CNR1: variants seen among roughly 807,000 people sequenced by gnomAD.
CNR1 encodes the protein cannabinoid receptor 1, also known as cannabinoid receptor 1 (brain).
A neutral mutation model predicts 23.0 loss-of-function variants in CNR1; 10 were observed. That is an observed-to-expected ratio of 0.43 (90% CI 0.27 to 0.74). The LOEUF (loss-of-function observed/expected upper bound fraction) is 0.74, where lower values mean the gene tolerates loss of function less well. Among genes scored for constraint, CNR1 ranks in the 30% least tolerant of loss-of-function variants. The pLI, the probability that CNR1 is intolerant of heterozygous loss-of-function variation, is 0.19. For synonymous variants in CNR1, 271 were observed against 255.2 expected (o/e 1.06, Z -0.59); for missense variants, 422 against 618.8 (o/e 0.68, Z 3.37).
chr6:88,143,796 T>C lies in CNR1; in HGVS notation c.*60A>G, dbSNP rs1028872657. On this transcript the variant is annotated 3_prime_UTR_variant, in exon 2 of 2. Coordinates refer to ENST00000369501, the MANE Select transcript of CNR1 (RefSeq NM_016083.6). ...TATAACCAAGGAGACAATAGACTCT[T>C]CTAGATTTTGAGCTTAAAAAAAAAA... 12 of 1,273,832 alleles carry C rather than the reference T, an allele frequency of 9.4e-6. No homozygotes were observed. The highest frequency in any genetic ancestry group is 1.3e-5 in the Non-Finnish European group (12 of 900,910). 78.9% of individuals were successfully genotyped at this position (1,273,832 alleles called of 1,614,324 possible).
rs968398319 is a variant in CNR1, at chr6:88,141,655, A to C, written c.*2201T>G. On this transcript the variant is annotated 3_prime_UTR_variant, in exon 2 of 2. Transcript: ENST00000369501. ...TGTAAATAATCTCTCCTGTCTTTAG[A>C]AAGAGATCTTACTAATCCTCTAGCA... The C allele has an allele frequency of 6.6e-6, 1 of 152,390 alleles. No homozygotes were observed. Among genetic ancestry groups the C allele is most frequent in the Admixed American group, 6.5e-5 (1 of 15,288 alleles). 9.4% of individuals were successfully genotyped at this position (152,390 alleles called of 1,614,324 possible).
chr6:88,149,204 A>G (rs894740000), intron 1 of CNR1, among the ~76,000 whole-genome samples: 2 of 152,214 alleles, frequency 1.3e-5, no homozygotes, highest in Non-Finnish European at 2.9e-5. Context: ...ACCAAAGACC[A>G]ACAGCCAAGC....
chr6:88,163,138 C>CTGGATTAACTTTATAACA (rs1778192799), intron 1 of CNR1: 1 of 152,122 alleles, frequency 6.6e-6, no homozygotes, highest in African/African-American at 2.4e-5. Flanking sequence ...TTAGATTAGA[C>CTGGATTAACTTTATAACA]TGGATTAACT....
intron 1 of CNR1, among the ~76,000 whole-genome samples, chr6:88,151,300 T>A (rs1777505601): frequency 6.6e-6 from 1 of 152,156 alleles, no homozygotes; most frequent in African/African-American, 2.4e-5. Context: ...GGGCCCTTAC[T>A]TGTAGCTTTT....
At chr6:88,148,715 A>G (rs1267797300) in intron 1 of CNR1, among the ~76,000 whole-genome samples, 1 of 152,230 alleles carries the variant, frequency 6.6e-6, no homozygotes, top group East Asian at 1.9e-4. Flanking sequence ...AATGAGCTAT[A>G]TGCAATAAGC....
Position 88,140,327 on chromosome 6 carries a change from A to G in CNR1, c.*3529T>C, listed in dbSNP as rs1776738987. On this transcript the variant is annotated 3_prime_UTR_variant, in exon 2 of 2. Coordinates refer to ENST00000369501, the MANE Select transcript of CNR1 (RefSeq NM_016083.6). Reference sequence around the variant, plus strand: ...ATCCCCAGTAGGCCTAGTACAGTCAATTTACATGAAGATAGCTTTTAAGAT... The same window carrying G: ...ATCCCCAGTAGGCCTAGTACAGTCAGTTTACATGAAGATAGCTTTTAAGAT... 6.5e-6 allele frequency: 1 copy of G among 152,774 alleles called. No individual in the cohort carries two copies. The highest frequency in any genetic ancestry group is 2.4e-5 in the African/African-American group (1 of 41,448). 9.5% of individuals were successfully genotyped at this position (152,774 alleles called of 1,614,324 possible).
At chr6:88,166,470 C>T (rs1009230098), upstream of CNR1, 2 of 152,566 alleles carry the variant, frequency 1.3e-5, no homozygotes, top group African/African-American at 4.8e-5. Context: ...GGGGAGGGAC[C>T]TGAGCGCAGC....
intron 1 of CNR1, among the ~76,000 whole-genome samples, chr6:88,145,652 T>A (rs1299267637): frequency 6.6e-6 from 1 of 152,214 alleles, no homozygotes; most frequent in Non-Finnish European, 1.5e-5. Flanking sequence ...AATGAAATGT[T>A]TCTTGGGGAC....
chr6:88,159,265 T>TA (rs1256042976), intron 1 of CNR1, among the ~76,000 whole-genome samples: 6 of 152,160 alleles, frequency 3.9e-5, no homozygotes, highest in East Asian at 1.9e-4. Flanking sequence ...CTCCAAACCA[T>TA]AAAATACTAC....
At chr6:88,157,337 T>C (rs1221556362) in intron 1 of CNR1, among the ~76,000 whole-genome samples, 1 of 152,192 alleles carries the variant, frequency 6.6e-6, no homozygotes, top group Non-Finnish European at 1.5e-5. Context: ...TTATAAGCCC[T>C]CAGGAATCAA....
chr6:88,160,996 G>A (rs763994605), intron 1 of CNR1, among the ~76,000 whole-genome samples: 3 of 152,114 alleles, frequency 2.0e-5, no homozygotes, highest in African/African-American at 4.8e-5. Flanking sequence ...GTAAAATATT[G>A]TATTTTAGGG....
intron 1 of CNR1, among the ~76,000 whole-genome samples, chr6:88,152,941 A>G (rs1324921387): frequency 6.6e-6 from 1 of 152,222 alleles, no homozygotes; most frequent in Non-Finnish European, 1.5e-5. Context: ...AGATGCACCT[A>G]TTAAAGAAGC....
chr6:88,150,941 T>A (rs1777488241), intron 1 of CNR1, among the ~76,000 whole-genome samples: 1 of 152,238 alleles, frequency 6.6e-6, no homozygotes, highest in Non-Finnish European at 1.5e-5. Flanking sequence ...TCTAGTCACC[T>A]AAGTTCCTAA....
At chr6:88,160,305 AAAAT>A (rs1274023278) in intron 1 of CNR1, among the ~76,000 whole-genome samples, 7 of 152,212 alleles carry the variant, frequency 4.6e-5, no homozygotes, top group Non-Finnish European at 7.3e-5. Flanking sequence ...AAATTAATTA[AAAAT>A]AAATAAATAA....
intron 1 of CNR1, among the ~76,000 whole-genome samples, chr6:88,160,421 AT>A (rs1009888052): frequency 2.0e-5 from 3 of 149,824 alleles, no homozygotes; most frequent in South Asian, 4.2e-4. Context: ...AACTTAAAAA[AT>A]TTTTTTTCTT....
upstream of CNR1, among the ~76,000 whole-genome samples, chr6:88,166,960 C>T (rs1462662175): frequency 1.3e-5 from 2 of 151,906 alleles, no homozygotes; most frequent in African/African-American, 4.8e-5. Context: ...CCGAGCCGTT[C>T]GCTACCTGGC....
chr6:88,148,318 C>G (rs1054044988), intron 1 of CNR1, among the ~76,000 whole-genome samples: 1 of 152,192 alleles, frequency 6.6e-6, no homozygotes, highest in South Asian at 2.1e-4. Flanking sequence ...TTTTCTAATA[C>G]TTCTTTGTGT....
chr6:88,159,262 C>A (rs1169960595), intron 1 of CNR1, among the ~76,000 whole-genome samples: 1 of 152,078 alleles, frequency 6.6e-6, no homozygotes, highest in Non-Finnish European at 1.5e-5. Context: ...TTCCTCCAAA[C>A]CATAAAATAC....
chr6:88,161,433 CTTAAA>C (rs1778101276), intron 1 of CNR1, among the ~76,000 whole-genome samples: 2 of 152,128 alleles, frequency 1.3e-5, no homozygotes, highest in Admixed American at 6.5e-5. Flanking sequence ...CCAAGTGAAA[CTTAAA>C]TTAGAGGCTG....
Sources: allele counts gnomAD v4.1 joint callset (sites outside exome capture counted in the v4.1 genomes callset), GRCh38; gene constraint gnomAD v4.1.1; transcripts MANE v1.5; gene names NCBI Gene and HGNC (gene_info 2026-07-23, HGNC 2026-07-21).